KDM2A: variants seen among roughly 807,000 people sequenced by gnomAD.
KDM2A encodes lysine demethylase 2A.
In KDM2A, 3 loss-of-function variants were observed where a neutral mutation model predicts 137.3. The ratio of observed to expected loss-of-function variants is 0.02; its 90% CI spans 0.01 to 0.06. KDM2A has a LOEUF of 0.06. KDM2A is among the 10% of genes least tolerant of loss of function. The probability of loss-of-function intolerance (pLI) is 1.00; values close to 1 mark genes in which losing one functional copy is unlikely to be tolerated. For missense variants in KDM2A, 738 were observed against 1,510.6 expected (o/e 0.49, Z 8.48); for synonymous variants, 512 against 541.5 (o/e 0.95, Z 0.76).
intron 2 of KDM2A, among the ~76,000 whole-genome samples, chr11:67,150,656 A>AC (rs1856363552): frequency 6.6e-6 from 1 of 152,136 alleles, no homozygotes; most frequent in Non-Finnish European, 1.5e-5. Flanking sequence ...GAGTTGGAGG[A>AC]TATGTCAGAC....
In KDM2A at chr11:67,250,464, G is replaced by A. The variant is rs374774970; in HGVS notation, c.2434G>A (p.Gly812Arg). Residue 812 changes from glycine (G) to arginine (R), a missense_variant, in exon 17 of 21, where the codon GGG becomes AGG. Coordinates refer to ENST00000529006, the MANE Select transcript of KDM2A (RefSeq NM_012308.3). The surrounding 1 kb of genome is among the most constrained non-coding windows in gnomAD (Gnocchi z 7.1). Reference protein sequence around the residue: ...TLQRPTKELHGTSIVPKLQAI... With the variant: ...TLQRPTKELHRTSIVPKLQAI... ...ACAGAGGCCCACCAAAGAGCTCCAC[G>A]GGACATCCATTGTGCCCAAGCTGCA... The A allele has an allele frequency of 3.1e-6, 5 of 1,613,916 alleles. No homozygotes were observed. Among genetic ancestry groups the A allele is most frequent in the Admixed American group, 1.7e-5 (1 of 60,006 alleles).
intron 2 of KDM2A, among the ~76,000 whole-genome samples, chr11:67,124,824 G>A (rs964707768): frequency 1.3e-5 from 2 of 151,490 alleles, no homozygotes; most frequent in African/African-American, 2.4e-5. Flanking sequence ...TGTGTAAGAG[G>A]ACACATCATC....
chr11:67,137,734 C>G (rs1207494241), intron 2 of KDM2A, among the ~76,000 whole-genome samples: 1 of 152,116 alleles, frequency 6.6e-6, no homozygotes, highest in Non-Finnish European at 1.5e-5. Context: ...TGAAATATCA[C>G]AGTAGAACTG....
intron 2 of KDM2A, among the ~76,000 whole-genome samples, chr11:67,159,469 C>T (rs557137708): frequency 1.3e-5 from 2 of 152,170 alleles, no homozygotes; most frequent in Non-Finnish European, 2.9e-5. Flanking sequence ...TCATCTTAAA[C>T]ATTTTGGCAA....
At chr11:67,177,746 A>T (rs1407513727) in intron 2 of KDM2A, among the ~76,000 whole-genome samples, 5 of 152,226 alleles carry the variant, frequency 3.3e-5, no homozygotes, top group African/African-American at 4.8e-5. Flanking sequence ...AATAATGATC[A>T]AGCACAGAAT....
At chr11:67,125,498 G>A (rs1755216754) in intron 2 of KDM2A, among the ~76,000 whole-genome samples, 1 of 152,038 alleles carries the variant, frequency 6.6e-6, no homozygotes, top group Non-Finnish European at 1.5e-5. Flanking sequence ...AGGACTGGGT[G>A]TGGTGGCTCA....
chr11:67,172,607 C>T (rs1051622002), intron 2 of KDM2A, among the ~76,000 whole-genome samples: 5 of 120,338 alleles, frequency 4.2e-5, no homozygotes, highest in African/African-American at 1.5e-4. Flanking sequence ...ATTTTATTAG[C>T]TCTTATAGTT....
intron 8 of KDM2A, among the ~76,000 whole-genome samples, chr11:67,216,164 C>T (rs754470120): frequency 2.0e-5 from 3 of 152,202 alleles, no homozygotes; most frequent in Non-Finnish European, 2.9e-5. Context: ...ATTGGCACAG[C>T]ACTTAGTAAA....
chr11:67,121,471 C>G, intron 2 of KDM2A, 113 bp downstream of exon 2: 1 of 997,044 alleles, frequency 1.0e-6, no homozygotes, highest in Non-Finnish European at 1.6e-6. Flanking sequence ...GGTGACTTTT[C>G]TGTGCACCAG....
At chr11:67,154,248 A>G (rs1167167059) in intron 2 of KDM2A, among the ~76,000 whole-genome samples, 1 of 152,190 alleles carries the variant, frequency 6.6e-6, no homozygotes, top group Non-Finnish European at 1.5e-5. Flanking sequence ...TCCAATAAGA[A>G]TGGTTTTTAC....
intron 13 of KDM2A, chr11:67,244,951 A>C: frequency 1.5e-5 from 7 of 454,030 alleles, no homozygotes; most frequent in East Asian, 4.1e-5. Context: ...ATGCCACTGT[A>C]TTCCAGCCTG....
Position 67,243,042 on chromosome 11 carries a change from A to C in KDM2A, c.1513A>C (p.Lys505Gln). Reference sequence around the variant, plus strand: ...GGAGGAGCTTGCCAACAGCGATCCCAAGTTAGCCCTCACTGGAGTTCCTAT... The same window carrying C: ...GGAGGAGCTTGCCAACAGCGATCCCCAGTTAGCCCTCACTGGAGTTCCTAT... ...LLEELANSDPKLALTGVPIVQ... is the reference protein window; with the variant it reads ...LLEELANSDPQLALTGVPIVQ... Residue 505 changes from lysine (K) to glutamine (Q), a missense_variant, in exon 13 of 21, where the codon AAG (lysine) becomes CAG (glutamine). Lys to Gln is a moderately conservative substitution (Grantham distance 53). This residue lies in a region of KDM2A where 71 missense variants were observed against 147.9 expected (regional missense o/e 0.48). Transcript: ENST00000529006. 6.2e-7 allele frequency: 1 copy of C among 1,613,812 alleles called. No homozygotes were observed. Among genetic ancestry groups the C allele is most frequent in the Non-Finnish European group, 8.5e-7 (1 of 1,179,768 alleles).
Position 67,199,812 on chromosome 11 carries a change from A to G in KDM2A, c.308-7698A>G, listed in dbSNP as rs1857573500. On this transcript the variant is annotated intron_variant, in intron 5 of 20. Transcript: ENST00000529006. ...GGCTGCACTAAACAACAGATTTTCC[A>G]TGTAAATGAAACAGCCTTCTATTGG... Among the ~76,000 whole-genome samples, 5 of 152,352 alleles carry G rather than the reference A, an allele frequency of 3.3e-5. No homozygotes were observed. In the South Asian group the frequency reaches 1.0e-3, roughly 32 times the overall value.
intron 2 of KDM2A, among the ~76,000 whole-genome samples, chr11:67,135,000 C>T (rs1855940863): frequency 6.6e-6 from 1 of 152,126 alleles, no homozygotes; most frequent in Non-Finnish European, 1.5e-5. Context: ...CAAAGATCAA[C>T]TTATTTCGGT....
intron 2 of KDM2A, among the ~76,000 whole-genome samples, chr11:67,143,956 T>G (rs12419315): frequency 0.037 from 5,560 of 151,882 alleles, 431 homozygotes; most frequent in Admixed American, 0.18. Context: ...TTTTTTTTTT[T>G]TGTGAGACGG....
At chr11:67,207,466 T>C (rs1857838878) in intron 5 of KDM2A, 44 bp from the exon 6 acceptor site, 2 of 1,433,460 alleles carry the variant, frequency 1.4e-6, no homozygotes, top group Non-Finnish European at 1.9e-6. Flanking sequence ...TATTTAAGGA[T>C]ATTAGTGGCT....
chr11:67,146,925 A>G (rs1856261576), intron 2 of KDM2A, among the ~76,000 whole-genome samples: 1 of 152,190 alleles, frequency 6.6e-6, no homozygotes, highest in African/African-American at 2.4e-5. Context: ...TATCAAAGGC[A>G]CATAGTTTAC....
At chr11:67,172,616 T>TTG (rs35333315) in intron 2 of KDM2A, among the ~76,000 whole-genome samples, 5,003 of 146,466 alleles carry the variant, frequency 0.034, 333 homozygotes, top group Admixed American at 0.16. Flanking sequence ...GCTCTTATAG[T>TTG]TGTGTGTGTG....
chr11:67,218,347 A>G (rs1344681985), intron 9 of KDM2A, among the ~76,000 whole-genome samples: 1 of 152,198 alleles, frequency 6.6e-6, no homozygotes, highest in Non-Finnish European at 1.5e-5. Flanking sequence ...GATTCTGACT[A>G]TGCATTTACC....
Sources: gnomAD v4.1 joint callset for allele counts (sites outside exome capture counted in the v4.1 genomes callset) on GRCh38, gnomAD v4.1.1 for gene constraint, gnomAD v4.1.1 regional missense constraint, Gnocchi (gnomAD v3.1) non-coding constraint, MANE v1.5 for transcripts, NCBI Gene and HGNC (gene_info 2026-07-23, HGNC 2026-07-21) for gene names.